Variants in COMMD1 observed in about 807,000 individuals in gnomAD.
COMMD1 encodes the protein copper metabolism domain containing 1.
Under a neutral mutation model 17.2 loss-of-function variants are expected in COMMD1, and 10 were observed. That is an observed-to-expected ratio of 0.58 (90% CI 0.36 to 0.99). The LOEUF (loss-of-function observed/expected upper bound fraction) is 0.99, where lower values mean the gene tolerates loss of function less well. COMMD1 is among the 50% of genes least tolerant of loss of function. The pLI is 0.01. For missense variants in COMMD1, 270 were observed against 231.8 expected (o/e 1.17, Z -1.07); for synonymous variants, 97 against 91.6 (o/e 1.06, Z -0.34).
At chr2:61,990,801 A>G (rs2103778113) in intron 1 of COMMD1, among the ~76,000 whole-genome samples, 1 of 151,900 alleles carries the variant, frequency 6.6e-6, no homozygotes, top group East Asian at 1.9e-4. Flanking sequence ...CCCTCTCACA[A>G]CATATGGGAA....
At chr2:62,015,199 C>T (rs1669403032) in intron 2 of COMMD1, among the ~76,000 whole-genome samples, 1 of 152,166 alleles carries the variant, frequency 6.6e-6, no homozygotes, top group Non-Finnish European at 1.5e-5. Flanking sequence ...TCTCTTCAGC[C>T]CCTGGTAACC....
chr2:62,070,575 A>C (rs1671172674), intron 2 of COMMD1, among the ~76,000 whole-genome samples: 2 of 151,316 alleles, frequency 1.3e-5, no homozygotes, highest in Admixed American at 1.3e-4. Flanking sequence ...CAACTAAAAG[A>C]TAAAAGAAAA....
chr2:61,989,919 C>G (rs969088232), intron 1 of COMMD1, among the ~76,000 whole-genome samples: 1 of 152,158 alleles, frequency 6.6e-6, no homozygotes, highest in African/African-American at 2.4e-5. Flanking sequence ...GGCAGTTACC[C>G]TGCATTTTAA....
At chr2:62,036,054 TCACACACACACACACA>T (rs70946776) in intron 2 of COMMD1, among the ~76,000 whole-genome samples, 4 of 143,396 alleles carry the variant, frequency 2.8e-5, no homozygotes, top group African/African-American at 1.0e-4. Context: ...ACCCTGTCTC[TCACACACACACACACA>T]CACACACACA....
chr2:61,895,223 G>C (rs1050036861), intron 1 of COMMD1, among the ~76,000 whole-genome samples: 2 of 152,180 alleles, frequency 1.3e-5, no homozygotes, highest in East Asian at 3.8e-4. Context: ...TGCCTCACTT[G>C]TGTCTCCCCA....
chr2:62,097,654 C>G (rs941894830), intron 2 of COMMD1, among the ~76,000 whole-genome samples: 5 of 152,040 alleles, frequency 3.3e-5, no homozygotes, highest in African/African-American at 1.2e-4. Context: ...AAGGTGATGC[C>G]TCACTAGTCC....
At chr2:62,052,404 A>G (rs1271767257) in intron 2 of COMMD1, among the ~76,000 whole-genome samples, 5 of 152,310 alleles carry the variant, frequency 3.3e-5, no homozygotes, top group East Asian at 1.9e-4. Context: ...AAGTCCGGAG[A>G]TAGGCTCTGT....
intron 1 of COMMD1, among the ~76,000 whole-genome samples, chr2:61,956,240 A>G (rs1378330056): frequency 4.6e-5 from 7 of 152,180 alleles, no homozygotes; most frequent in Non-Finnish European, 8.8e-5. Context: ...CCTTTCTCCC[A>G]TTGAATTGCC....
chr2:61,981,251 C>T (rs921030465), intron 1 of COMMD1, among the ~76,000 whole-genome samples: 2 of 152,086 alleles, frequency 1.3e-5, no homozygotes, highest in East Asian at 1.9e-4. Flanking sequence ...GAAGAGTTTC[C>T]CCAATGTTTT....
intron 1 of COMMD1, among the ~76,000 whole-genome samples, chr2:61,932,194 C>G (rs1427168704): frequency 6.6e-6 from 1 of 152,174 alleles, no homozygotes; most frequent in Non-Finnish European, 1.5e-5. Flanking sequence ...CTTAATTATT[C>G]TCTAACAGTA....
At chr2:61,987,940 C>T (rs1199881319) in intron 1 of COMMD1, among the ~76,000 whole-genome samples, 1 of 152,166 alleles carries the variant, frequency 6.6e-6, no homozygotes, top group African/African-American at 2.4e-5. Context: ...AGAGCCTCTG[C>T]CTGTATCTGC....
chr2:61,999,410 G>A (rs1668858789), intron 1 of COMMD1, among the ~76,000 whole-genome samples: 1 of 152,180 alleles, frequency 6.6e-6, no homozygotes, highest in African/African-American at 2.4e-5. Context: ...TGAATGAGCT[G>A]TTTGGCTGAA....
At chr2:61,943,554 G>C (rs767905209) in intron 1 of COMMD1, among the ~76,000 whole-genome samples, 2 of 152,204 alleles carry the variant, frequency 1.3e-5, no homozygotes, top group African/African-American at 2.4e-5. Context: ...GAGGAATGAG[G>C]CTGGGTGCCT....
chr2:62,044,230 C>A (rs1025685593), intron 2 of COMMD1, among the ~76,000 whole-genome samples: 2 of 152,122 alleles, frequency 1.3e-5, no homozygotes, highest in African/African-American at 4.8e-5. Context: ...TTATGATTAA[C>A]CAAGACTAGA....
At chr2:61,913,667 G>T (rs942872590) in intron 1 of COMMD1, among the ~76,000 whole-genome samples, 10 of 151,606 alleles carry the variant, frequency 6.6e-5, no homozygotes, top group Admixed American at 2.0e-4. Context: ...ATGGTGGCGG[G>T]CTTCTATAGT....
At chr2:62,072,740 C>T (rs1478475351) in intron 2 of COMMD1, among the ~76,000 whole-genome samples, 3 of 152,210 alleles carry the variant, frequency 2.0e-5, no homozygotes, top group African/African-American at 7.2e-5. Context: ...CACCGCATTC[C>T]CCACATCTAG....
At chr2:62,086,362 T>G (rs1036231572) in intron 2 of COMMD1, among the ~76,000 whole-genome samples, 15 of 151,814 alleles carry the variant, frequency 9.9e-5, no homozygotes, top group African/African-American at 3.6e-4. Context: ...ACAAAAAAAA[T>G]TAGCCAGGCC....
intron 1 of COMMD1, among the ~76,000 whole-genome samples, chr2:61,921,065 C>T (rs1013301606): frequency 1.2e-4 from 18 of 149,946 alleles, no homozygotes; most frequent in Admixed American, 6.7e-4. Context: ...GCAACCTTCA[C>T]CTCCCGGGTT....
chr2:62,011,393 G>GCCT (rs1260722817), intron 2 of COMMD1, among the ~76,000 whole-genome samples: 1 of 152,156 alleles, frequency 6.6e-6, no homozygotes, highest in African/African-American at 2.4e-5. Flanking sequence ...CTGCTGGTCT[G>GCCT]CCTTTTGTTA....
Sources: allele counts gnomAD v4.1 joint callset (sites outside exome capture counted in the v4.1 genomes callset), GRCh38; gene constraint gnomAD v4.1.1; transcripts MANE v1.5; gene names NCBI Gene and HGNC (gene_info 2026-07-23, HGNC 2026-07-21).